Variants in PCK1 observed in about 807,000 individuals in gnomAD.
PCK1 encodes phosphoenolpyruvate carboxykinase, cytosolic [GTP].
Under a neutral mutation model 50.3 loss-of-function variants are expected in PCK1, and 44 were observed. The ratio of observed to expected loss-of-function variants is 0.87; its 90% CI spans 0.69 to 1.12. The LOEUF (loss-of-function observed/expected upper bound fraction) is 1.12. Among genes scored for constraint, PCK1 ranks in the 50% most tolerant of loss-of-function variants. PCK1 has a pLI of 0.00. For missense variants in PCK1, 790 were observed against 815.0 expected (o/e 0.97, Z 0.37); for synonymous variants, 332 against 314.3 (o/e 1.06, Z -0.59).
rs1405527615 is a variant in PCK1 at position 57,561,468 on chromosome 20, C to G, written c.57C>G (p.Ser19Arg). Residue 19 changes from serine to arginine, a missense_variant, in exon 2 of 10, where the codon AGC becomes AGG. Coordinates refer to ENST00000319441, the MANE Select transcript of PCK1 (RefSeq NM_002591.4). ...LNLSAKVVQG[S>R]LDSLPQAVRE... is the part of the protein sequence containing the mutation. ...TCTCGGCCAAAGTTGTCCAGGGAAG[C>G]CTGGACAGCCTACCCCAGGCAGTGA... 1 of 1,613,752 alleles carries G rather than the reference C, an allele frequency of 6.2e-7. No individual in the cohort carries two copies. The highest frequency in any genetic ancestry group is 2.2e-5 in the East Asian group (1 of 44,872).
Position 57,566,049 on chromosome 20 carries a change from G to T in PCK1, c.*245G>T. Reference sequence around the variant, plus strand: ...TCCAAAAATTCACATCCAATGCATAGTTTGTTCAAATTTAAGGTTACTCAG... The same window carrying T: ...TCCAAAAATTCACATCCAATGCATATTTTGTTCAAATTTAAGGTTACTCAG... On this transcript the variant is annotated 3_prime_UTR_variant, in exon 10 of 10. Coordinates refer to ENST00000319441, the MANE Select transcript of PCK1 (RefSeq NM_002591.4). 2.2e-6 allele frequency: 1 copy of T among 464,076 alleles called. No individual in the cohort carries two copies. The allele number at this position is 464,076 out of a possible 1,614,324, so 28.7% of individuals were successfully genotyped here. A position where few individuals can be genotyped will look rare whatever the true frequency, so the allele number is the denominator to read the frequency against.
At chr20:57,562,489 A>C in intron 3 of PCK1, 1 of 621,172 alleles carries the variant, frequency 1.6e-6, no homozygotes, top group East Asian at 2.7e-5. Flanking sequence ...GCTTGGTGGG[A>C]CCCAATTGCA....
chr20:57,566,917 G>C lies in PCK1; in HGVS notation c.*1113G>C, dbSNP rs572313429. 6.6e-6 allele frequency: 1 copy of C among 152,196 alleles called. No individual in the cohort carries two copies. Among genetic ancestry groups the C allele is most frequent in the Non-Finnish European group, 1.5e-5 (1 of 68,044 alleles). The allele number at this position is 152,196 out of a possible 1,614,324, so 9.4% of individuals were successfully genotyped here. A position where few individuals can be genotyped will look rare whatever the true frequency, so the allele number is the denominator to read the frequency against. Reference sequence around the variant, plus strand: ...AGAGGAAGACAAGTGAGAAGGAAAAGGGGACAGGATCTGGGTTGAGCAAGC... The same window carrying C: ...AGAGGAAGACAAGTGAGAAGGAAAACGGGACAGGATCTGGGTTGAGCAAGC... On this transcript the variant is annotated 3_prime_UTR_variant, in exon 10 of 10. Coordinates refer to ENST00000319441, the MANE Select transcript of PCK1 (RefSeq NM_002591.4).
In PCK1 at chr20:57,565,493, G is replaced by A. The variant is rs1257814791; in HGVS notation, c.1558G>A (p.Asp520Asn). Residue 520 changes from aspartate (D) to asparagine (N), a missense_variant, in exon 10 of 10, where the codon GAC (aspartate) becomes AAC (asparagine). Coordinates refer to ENST00000319441, the MANE Select transcript of PCK1 (RefSeq NM_002591.4). Reference sequence around the variant, plus strand: ...CTTCCATGTCAACTGGTTCCGGAAGGACAAGGAAGGCAAATTCCTCTGGCC... The same window carrying A: ...CTTCCATGTCAACTGGTTCCGGAAGAACAAGGAAGGCAAATTCCTCTGGCC... ...KIFHVNWFRK[D>N]KEGKFLWPGF... 1 of 1,614,190 alleles carries A rather than the reference G, an allele frequency of 6.2e-7. No individual in the cohort carries two copies. The highest frequency in any genetic ancestry group is 1.7e-5 in the Admixed American group (1 of 60,022).
rs897603482 is a variant in PCK1, at chr20:57,565,848, T to A, written c.*44T>A. The A allele has an allele frequency of 1.4e-6, 2 of 1,450,762 alleles. No individual in the cohort carries two copies. Among genetic ancestry groups the A allele is most frequent in the African/African-American group, 2.8e-5 (2 of 71,158 alleles). The allele number at this position is 1,450,762 out of a possible 1,614,324, so 89.9% of individuals were successfully genotyped here. On this transcript the variant is annotated 3_prime_UTR_variant, in exon 10 of 10. Coordinates refer to ENST00000319441, the MANE Select transcript of PCK1 (RefSeq NM_002591.4). The stretch of plus-strand genomic sequence containing the variant: ...ACCTTTAAAATCATTCCCTTTCCCA[T>A]CCATAAGGTGCAGTAGGAGCAAGAG...
At position 57,565,638 on chromosome 20, in the gene PCK1, G is replaced by C; in HGVS notation, c.1703G>C (p.Gly568Ala). The C allele has an allele frequency of 6.2e-7, 1 of 1,614,156 alleles. No individual in the cohort carries two copies. Among genetic ancestry groups the C allele is most frequent in the Non-Finnish European group, 8.5e-7 (1 of 1,180,028 alleles). Residue 568 changes from glycine (G) to alanine (A), a missense_variant, in exon 10 of 10, where the codon GGC (glycine) becomes GCC (alanine). Transcript: ENST00000319441. ...AAGGAGGATGCCCTGAACCTGAAAG[G>C]CCTGGGGCACATCAACATGATGGAG... Reference protein sequence around the residue: ...IPKEDALNLKGLGHINMMELF... With the variant: ...IPKEDALNLKALGHINMMELF...
chr20:57,567,007 G>T lies in PCK1; in HGVS notation c.*1203G>T, dbSNP rs1386003317. The stretch of plus-strand genomic sequence containing the variant: ...CACCATGGGCTGCCCGAGAAGAGAG[G>T]TGGGTGGTTTGGTCCCCAGCTCTGC... On this transcript the variant is annotated 3_prime_UTR_variant, in exon 10 of 10. Coordinates refer to ENST00000319441, the MANE Select transcript of PCK1 (RefSeq NM_002591.4). The T allele has an allele frequency of 6.6e-6, 1 of 152,186 alleles. No homozygotes were observed. The highest frequency in any genetic ancestry group is 1.5e-5 in the Non-Finnish European group (1 of 68,066). 9.4% of individuals were successfully genotyped at this position (152,186 alleles called of 1,614,324 possible).
Position 57,566,151 on chromosome 20 carries a change from G to T in PCK1, c.*347G>T, listed in dbSNP as rs967547514. Reference sequence around the variant, plus strand: ...TGCACACCAAAAAAATACTTGAGCTGTATATATATATGTGTGTGTGTGTGT... The same window carrying T: ...TGCACACCAAAAAAATACTTGAGCTTTATATATATATGTGTGTGTGTGTGT... On this transcript the variant is annotated 3_prime_UTR_variant, in exon 10 of 10. Coordinates refer to ENST00000319441, the MANE Select transcript of PCK1 (RefSeq NM_002591.4). 3.1e-5 allele frequency: 7 copies of T among 226,422 alleles called. No individual in the cohort carries two copies. In the South Asian group the frequency reaches 4.0e-4, roughly 13 times the overall value. 14.0% of individuals were successfully genotyped at this position (226,422 alleles called of 1,614,324 possible).
intron 6 of PCK1, 157 bp downstream of exon 6, chr20:57,563,884 C>T (rs1225128814): frequency 6.1e-6 from 4 of 660,932 alleles, no homozygotes; most frequent in Non-Finnish European, 1.1e-5. Flanking sequence ...TGTAAGAATT[C>T]TTCAACTTAA....
In PCK1 at chr20:57,565,759, C is replaced by A. The variant is rs369363807; in HGVS notation, c.1824C>A (p.Ile608=). The A allele has an allele frequency of 1.2e-6, 2 of 1,613,116 alleles. No homozygotes were observed. The highest frequency in any genetic ancestry group is 1.3e-5 in the African/African-American group (1 of 74,986). The part of the protein sequence containing the change: ...DQVNADLPCE[I]EREILALKQR... ...TCAATGCCGACCTCCCCTGTGAAAT[C>A]GAGAGAGAGATCCTTGCCTTGAAGC... is the stretch of plus-strand genomic sequence containing the variant. Residue 608 remains isoleucine (I), a synonymous_variant, in exon 10 of 10, where the codon ATC becomes ATA. Coordinates refer to ENST00000319441, the MANE Select transcript of PCK1 (RefSeq NM_002591.4).
chr20:57,563,076 C>T lies in PCK1; in HGVS notation c.659C>T (p.Ala220Val). The T allele has an allele frequency of 6.2e-7, 1 of 1,614,076 alleles. No individual in the cohort carries two copies. Among genetic ancestry groups the T allele is most frequent in the Non-Finnish European group, 8.5e-7 (1 of 1,180,000 alleles). The change falls in exon 5 of 10, where the codon GCC becomes GTC. Residue 220 changes from alanine to valine, a missense_variant. Transcript: ENST00000319441. ...TGCAACCCGGAGCTGACGCTCATCG[C>T]CCACCTGCCTGACCGCAGAGAGATC... ...WPCNPELTLI[A>V]HLPDRREIIS...
At position 57,563,058 on chromosome 20, in the gene PCK1, C is replaced by T. The variant is rs765716997; in HGVS notation, c.641C>T (p.Pro214Leu). ...KPLVNNWPCN[P>L]ELTLIAHLPD... ...TTGGTCAACAACTGGCCCTGCAACC[C>T]GGAGCTGACGCTCATCGCCCACCTG... Residue 214 changes from proline to leucine, a missense_variant, in exon 5 of 10, where the codon CCG becomes CTG. Coordinates refer to ENST00000319441, the MANE Select transcript of PCK1 (RefSeq NM_002591.4). 61 of 1,613,862 alleles carry T rather than the reference C, an allele frequency of 3.8e-5. 1 individual carries two copies. Among genetic ancestry groups the T allele is most frequent in the Admixed American group, 1.7e-4 (10 of 60,010 alleles).
At chr20:57,565,016 T>A (rs2070189539) in intron 8 of PCK1, 24 bp from the exon 9 acceptor site, 1 of 1,524,536 alleles carries the variant, frequency 6.6e-7, no homozygotes, top group African/African-American at 1.5e-5. Context: ...TGATGAACAT[T>A]TCTCTTTTTT....
chr20:57,562,203 G>A lies in PCK1; in HGVS notation c.357G>A (p.Glu119=), dbSNP rs1323456639. The change falls in exon 3 of 10, where the codon GAG becomes GAA. Residue 119 remains glutamate, a synonymous_variant. Coordinates refer to ENST00000319441, the MANE Select transcript of PCK1 (RefSeq NM_002591.4). ...GCCAGCTCGGTCGCTGGATGTCAGA[G>A]GAGGATTTTGAGAAAGCGTTCAATG... ...GLSQLGRWMS[E]EDFEKAFNAR... is the part of the protein sequence containing the mutation. The A allele has an allele frequency of 6.2e-7, 1 of 1,614,192 alleles. No individual in the cohort carries two copies. The highest frequency in any genetic ancestry group is 1.1e-5 in the South Asian group (1 of 91,084).
rs2070143075 is a variant in PCK1, at chr20:57,561,590, TG to T, written c.181del (p.Glu61ArgfsTer9). The T allele has an allele frequency of 6.2e-7, 1 of 1,613,654 alleles. No homozygotes were observed. The highest frequency in any genetic ancestry group is 8.5e-7 in the Non-Finnish European group (1 of 1,179,980). ...EEENGRLLGQ[M>X]EEEGILRRLK... is the part of the protein sequence containing the mutation. ...GAGAATGGGCGGCTTCTGGGCCAGATGGAGGAAGAGGGCATCCTCAGGCGGC... is the reference window on the plus strand; with the variant it reads ...GAGAATGGGCGGCTTCTGGGCCAGATGAGGAAGAGGGCATCCTCAGGCGGC... On this transcript the variant is annotated frameshift_variant, in exon 2 of 10. Transcript: ENST00000319441. LOFTEE classifies it high-confidence loss of function.
chr20:57,566,568 A>G lies in PCK1; in HGVS notation c.*764A>G, dbSNP rs145084655. 1 of 152,242 alleles carries G rather than the reference A, an allele frequency of 6.6e-6. No homozygotes were observed. 9.4% of individuals were successfully genotyped at this position (152,242 alleles called of 1,614,324 possible). The stretch of plus-strand genomic sequence containing the variant: ...CCTCCCCAAGAAGGTGGGGACGTTC[A>G]GAATCACACTTGAAGAGGGGGTGCA... On this transcript the variant is annotated 3_prime_UTR_variant, in exon 10 of 10. Coordinates refer to ENST00000319441, the MANE Select transcript of PCK1 (RefSeq NM_002591.4).
At chr20:57,561,724 G>A (rs976526511) in intron 2 of PCK1, 89 bp downstream of exon 2, 57 of 866,288 alleles carry the variant, frequency 6.6e-5, no homozygotes, top group Non-Finnish European at 9.7e-5. Flanking sequence ...GGTGAATGAA[G>A]GCCTTCGGGT....
At chr20:57,562,621 C>G in intron 3 of PCK1, 75 bp from the exon 4 acceptor site, 1 of 1,299,206 alleles carries the variant, frequency 7.7e-7, no homozygotes, top group Non-Finnish European at 1.1e-6. Context: ...AATGGGTCTA[C>G]CTGGGAAAAA....
rs2070180005 is a variant in PCK1 at position 57,564,218 on chromosome 20, T to C, written c.1011T>C (p.Pro337=). ...AAAATGGCTTTTTCGGTGTCGCTCC[T>C]GGGACTTCAGTGAAGACCAACCCCA... The part of the protein sequence containing the change: ...NPENGFFGVA[P]GTSVKTNPNA... The change falls in exon 7 of 10, where the codon CCT becomes CCC. Residue 337 remains proline (P), a synonymous_variant. Coordinates refer to ENST00000319441, the MANE Select transcript of PCK1 (RefSeq NM_002591.4). 3.7e-6 allele frequency: 6 copies of C among 1,614,126 alleles called. No homozygotes were observed. The highest frequency in any genetic ancestry group is 1.1e-5 in the South Asian group (1 of 91,076).
Sources: allele counts gnomAD v4.1 joint callset, GRCh38; gene constraint gnomAD v4.1.1; transcripts MANE v1.5; gene names NCBI Gene and HGNC (gene_info 2026-07-23, HGNC 2026-07-21).